Variants in SLC22A2 observed in about 807,000 individuals in gnomAD.
SLC22A2 encodes organic cation transporter 2.
In SLC22A2, 46 loss-of-function variants were observed where a neutral mutation model predicts 60.5. The observed-to-expected ratio is 0.76, with a 90% CI of 0.60 to 0.97. SLC22A2 has a LOEUF of 0.97. Among genes scored for constraint, SLC22A2 ranks in the 50% least tolerant of loss-of-function variants. The probability of loss-of-function intolerance (pLI) is 0.00; values close to 1 mark genes in which losing one functional copy is unlikely to be tolerated. For synonymous variants in SLC22A2, 303 were observed against 267.0 expected, an observed-to-expected ratio of 1.13 and a Z score of -1.31; for missense variants, 701 against 706.6, an observed-to-expected ratio of 0.99 and a Z score of 0.09.
chr6:160,255,659 G>A (rs1056140182), intron 2 of SLC22A2, among the ~76,000 whole-genome samples: 3 of 151,962 alleles, frequency 2.0e-5, no homozygotes, highest in African/African-American at 7.3e-5. Context: ...ATCTCACTAG[G>A]TGATTGCTGA....
At chr6:160,241,269 T>C (rs1215815723) in intron 9 of SLC22A2, among the ~76,000 whole-genome samples, 1 of 152,118 alleles carries the variant, frequency 6.6e-6, no homozygotes, top group African/African-American at 2.4e-5. Flanking sequence ...ACTAGTATTA[T>C]TGATTAGTAT....
chr6:160,233,720 C>T (rs1397768425), intron 9 of SLC22A2, among the ~76,000 whole-genome samples: 1 of 151,710 alleles, frequency 6.6e-6, no homozygotes, highest in South Asian at 2.1e-4. Context: ...GACAAATGCG[C>T]CTTCTAACAA....
At chr6:160,220,443 A>G (rs1372641195) in intron 10 of SLC22A2, among the ~76,000 whole-genome samples, 1 of 152,184 alleles carries the variant, frequency 6.6e-6, no homozygotes, top group Non-Finnish European at 1.5e-5. Context: ...TGAGGGCTGT[A>G]ATCAACTTCT....
At chr6:160,243,545 A>G in intron 7 of SLC22A2, 27 bp downstream of exon 7, 1 of 1,498,970 alleles carries the variant, frequency 6.7e-7, no homozygotes, top group South Asian at 1.1e-5. Flanking sequence ...TCTTGGAGAT[A>G]AGACTCCAAC....
chr6:160,245,861 CTTT>C (rs531474202), intron 5 of SLC22A2, among the ~76,000 whole-genome samples: 9 of 122,230 alleles, frequency 7.4e-5, no homozygotes, highest in African/African-American at 2.3e-4. Context: ...CAATGCCCAG[CTTT>C]TTTTTTTTTT....
At chr6:160,232,594 A>G (rs1782842522) in intron 9 of SLC22A2, among the ~76,000 whole-genome samples, 1 of 151,856 alleles carries the variant, frequency 6.6e-6, no homozygotes, top group African/African-American at 2.4e-5. Flanking sequence ...CATTTCTCAA[A>G]GCTGCTTTAC....
intron 2 of SLC22A2, among the ~76,000 whole-genome samples, chr6:160,256,248 G>A (rs960267967): frequency 6.6e-6 from 1 of 151,990 alleles, no homozygotes; most frequent in Non-Finnish European, 1.5e-5. Flanking sequence ...GAGCTCAGAG[G>A]CCCTGAAGGC....
intron 8 of SLC22A2, 29 bp from the exon 9 acceptor site, chr6:160,241,615 TTAACTTA>T (rs753139656): frequency 1.4e-6 from 2 of 1,441,662 alleles, no homozygotes; most frequent in South Asian, 2.3e-5. Context: ...ATTTAACTTG[TTAACTTA>T]TCACAGTGCA....
chr6:160,221,447 A>G (rs1157955075), intron 10 of SLC22A2, among the ~76,000 whole-genome samples: 3 of 152,150 alleles, frequency 2.0e-5, no homozygotes, highest in African/African-American at 7.2e-5. Flanking sequence ...TTCATTTCTC[A>G]TTTGTAGCAT....
At chr6:160,257,674 C>T (rs1271488658) in intron 1 of SLC22A2, 1 of 152,202 alleles carries the variant, frequency 6.6e-6, no homozygotes, top group African/African-American at 2.4e-5. Flanking sequence ...AGGCAACTGG[C>T]TCTCTCAGTA....
intron 10 of SLC22A2, among the ~76,000 whole-genome samples, chr6:160,224,278 G>T (rs1330127623): frequency 7.7e-6 from 1 of 129,852 alleles, no homozygotes; most frequent in African/African-American, 2.6e-5. Flanking sequence ...TGAATTATTT[G>T]CTCAAATCTG....
At chr6:160,220,001 G>A (rs1165893348) in intron 10 of SLC22A2, among the ~76,000 whole-genome samples, 4 of 152,176 alleles carry the variant, frequency 2.6e-5, no homozygotes, top group Non-Finnish European at 5.9e-5. Context: ...TGAAGTGGCT[G>A]TTGAAACTTC....
chr6:160,248,048 T>G (rs1256873682), intron 4 of SLC22A2, among the ~76,000 whole-genome samples: 2 of 152,152 alleles, frequency 1.3e-5, no homozygotes, highest in East Asian at 3.9e-4. Context: ...GGAAGTGTAA[T>G]AGAGACAGCA....
intron 6 of SLC22A2, 135 bp from the exon 7 acceptor site, chr6:160,243,921 C>T: frequency 1.6e-6 from 1 of 627,288 alleles, no homozygotes; most frequent in Non-Finnish European, 2.8e-6. Context: ...CCCCATCCCA[C>T]TGCTTTTATA....
chr6:160,253,728 A>G (rs1419828564), intron 2 of SLC22A2, among the ~76,000 whole-genome samples: 1 of 152,198 alleles, frequency 6.6e-6, no homozygotes, highest in Non-Finnish European at 1.5e-5. Flanking sequence ...TATGCAAAAC[A>G]TCACTTTCCA....
In SLC22A2 at chr6:160,222,962, G is replaced by A. The variant is rs145419932; in HGVS notation, c.1601+1743C>T. Among the ~76,000 whole-genome samples, 31 of 152,300 alleles carry A rather than the reference G, an allele frequency of 2.0e-4. No homozygotes were observed. The East Asian group carries it at 4.4e-3, about 22-fold the overall frequency. On this transcript the variant is annotated intron_variant, in intron 10 of 10. Coordinates refer to ENST00000366953, the MANE Select transcript of SLC22A2 (RefSeq NM_003058.4). ...GAGAACTTGGTGGCCTGCAGGCTGC[G>A]AGTGTGTGACCTCCGCTCGGATTCA...
intron 9 of SLC22A2, among the ~76,000 whole-genome samples, chr6:160,234,529 C>CCTTTCTCTT (rs1782880525): frequency 6.6e-6 from 1 of 152,156 alleles, no homozygotes. Context: ...CCCTTTCTCT[C>CCTTTCTCTT]CTTTCTCTTT....
At chr6:160,219,420 TACTA>T (rs1364004756) in intron 10 of SLC22A2, among the ~76,000 whole-genome samples, 1 of 90,930 alleles carries the variant, frequency 1.1e-5, no homozygotes, top group East Asian at 3.3e-4. Context: ...GGTGAGTGAC[TACTA>T]ACTAAATACC....
chr6:160,258,344 C>T lies in SLC22A2; in HGVS notation c.414G>A (p.Glu138=). The change falls in exon 1 of 11, where the codon GAG becomes GAA. Residue 138 remains glutamate (E), a splice_region_variant and synonymous_variant. Transcript: ENST00000366953. ...CTGAGCCCTGAGCTCACTCTCTTAC[C>T]TCGGTGACGATGGACGAGCCAGGCG... ...YETPGSSIVT[E]FNLVCANSWM... is the part of the protein sequence containing the mutation. 6.2e-7 allele frequency: 1 copy of T among 1,604,102 alleles called. No individual in the cohort carries two copies. The highest frequency in any genetic ancestry group is 2.2e-5 in the East Asian group (1 of 44,810).
Sources: gnomAD v4.1 joint callset for allele counts (sites outside exome capture counted in the v4.1 genomes callset) on GRCh38, gnomAD v4.1.1 for gene constraint, MANE v1.5 for transcripts, NCBI Gene and HGNC (gene_info 2026-07-23, HGNC 2026-07-21) for gene names.